The following GPR55 variants were observed in gnomAD, a reference collection of about 807,000 sequenced individuals.
GPR55 encodes G-protein coupled receptor 55.
Under a neutral mutation model 7.9 loss-of-function variants are expected in GPR55, and 6 were observed. The observed-to-expected ratio is 0.76, with a 90% CI of 0.41 to 1.49. GPR55 has a LOEUF of 1.49. Among genes scored for constraint, GPR55 ranks in the 40% most tolerant of loss-of-function variants. The pLI, the probability that GPR55 is intolerant of heterozygous loss-of-function variation, is 0.01. For synonymous variants in GPR55, 183 were observed against 166.8 expected, an observed-to-expected ratio of 1.10 and a Z score of -0.75; for missense variants, 376 against 406.0, an observed-to-expected ratio of 0.93 and a Z score of 0.63.
At chr2:230,960,294 G>A (rs114181787) in intron 1 of GPR55, among the ~76,000 whole-genome samples, 6,798 of 152,194 alleles carry the variant, frequency 0.045, 339 homozygotes, top group African/African-American at 0.12. Context: ...GATAAGAAAT[G>A]TGCAGTACCA....
At chr2:230,939,466 C>T (rs976369908) in intron 1 of GPR55, among the ~76,000 whole-genome samples, 2 of 152,186 alleles carry the variant, frequency 1.3e-5, no homozygotes, top group Non-Finnish European at 2.9e-5. Context: ...GTGTTCTTCT[C>T]GGAAGTGGCC....
At chr2:230,916,088 T>TA (rs1230714180) in intron 1 of GPR55, among the ~76,000 whole-genome samples, 2 of 151,696 alleles carry the variant, frequency 1.3e-5, no homozygotes, top group Non-Finnish European at 2.9e-5. Flanking sequence ...CAGAAGAGAT[T>TA]ATCTGGCTGG....
At chr2:230,949,960 A>G (rs985978205) in intron 1 of GPR55, among the ~76,000 whole-genome samples, 4 of 151,588 alleles carry the variant, frequency 2.6e-5, no homozygotes, top group Non-Finnish European at 5.9e-5. Flanking sequence ...CAGCCTCCCA[A>G]ATAGCTGGGA....
At chr2:230,952,177 A>C (rs1001788166) in intron 1 of GPR55, among the ~76,000 whole-genome samples, 1 of 152,254 alleles carries the variant, frequency 6.6e-6, no homozygotes, top group Non-Finnish European at 1.5e-5. Flanking sequence ...TGCAGGCAGC[A>C]GGCCAAGGCC....
chr2:230,910,023 T>C lies in GPR55; in HGVS notation c.940A>G (p.Thr314Ala), dbSNP rs1038041111. Residue 314 changes from threonine (T) to alanine (A), a missense_variant, in exon 2 of 2, where the codon ACC (threonine) becomes GCC (alanine). Coordinates refer to ENST00000650999, the MANE Select transcript of GPR55 (RefSeq NM_005683.4). This position sits in a 1 kb window ranked among gnomAD's most constrained non-coding sequence, Gnocchi z 5.4. ...PSRVQLVLQD[T>A]TISRG ...TTCCGTTAGCCCCGGGAGATCGTGGTGTCCTGCAGGACCAGCTGGACCCTG... is the reference window on the plus strand; with the variant it reads ...TTCCGTTAGCCCCGGGAGATCGTGGCGTCCTGCAGGACCAGCTGGACCCTG... 1 of 1,613,560 alleles carries C rather than the reference T, an allele frequency of 6.2e-7. No individual in the cohort carries two copies.
intron 1 of GPR55, among the ~76,000 whole-genome samples, chr2:230,912,598 C>G (rs908396000): frequency 2.0e-5 from 3 of 152,022 alleles, no homozygotes; most frequent in African/African-American, 4.8e-5. Flanking sequence ...CTCACCACCC[C>G]TGGCTAATTT....
At chr2:230,934,710 C>T (rs1401413676) in intron 1 of GPR55, among the ~76,000 whole-genome samples, 1 of 152,134 alleles carries the variant, frequency 6.6e-6, no homozygotes, top group Non-Finnish European at 1.5e-5. Flanking sequence ...TGAGGATGAC[C>T]ATCTGTTCTG....
chr2:230,957,285 C>T lies in GPR55; in HGVS notation c.-135+3490G>A, dbSNP rs530672877. On this transcript the variant is annotated intron_variant, in intron 1 of 1. Coordinates refer to the GPR55 transcript ENST00000392039. ...TTTGGCATATCCGAATTGCTGGCATCACTACGCTTGTGCTTTGGGGACATT... is the reference window on the plus strand; with the variant it reads ...TTTGGCATATCCGAATTGCTGGCATTACTACGCTTGTGCTTTGGGGACATT... Among the ~76,000 whole-genome samples the T allele has an allele frequency of 3.9e-5, 6 of 152,334 alleles. No individual in the cohort carries two copies. In the South Asian group the frequency reaches 1.0e-3, roughly 26 times the overall value.
At chr2:230,950,831 G>A (rs1233941595) in intron 1 of GPR55, among the ~76,000 whole-genome samples, 1 of 151,974 alleles carries the variant, frequency 6.6e-6, no homozygotes, top group Non-Finnish European at 1.5e-5. Flanking sequence ...TTCTGATTGT[G>A]GGTCTTAAGA....
chr2:230,949,949 T>C (rs1691374955), intron 1 of GPR55, among the ~76,000 whole-genome samples: 1 of 152,146 alleles, frequency 6.6e-6, no homozygotes. Flanking sequence ...ATTCTCTGCC[T>C]CAGCCTCCCA....
At chr2:230,920,045 T>TTGGAAGG (rs978623525) in intron 1 of GPR55, among the ~76,000 whole-genome samples, 1 of 151,338 alleles carries the variant, frequency 6.6e-6, no homozygotes, top group Non-Finnish European at 1.5e-5. Context: ...ATTCTAGCAG[T>TTGGAAGG]TGGAAGGTGG....
At chr2:230,912,456 G>A (rs1223513067) in intron 1 of GPR55, among the ~76,000 whole-genome samples, 1 of 152,068 alleles carries the variant, frequency 6.6e-6, no homozygotes, top group Non-Finnish European at 1.5e-5. Flanking sequence ...TTGAGATGGA[G>A]TCTCACTCTG....
At chr2:230,912,482 T>G (rs959724758) in intron 1 of GPR55, among the ~76,000 whole-genome samples, 2 of 152,198 alleles carry the variant, frequency 1.3e-5, no homozygotes, top group African/African-American at 2.4e-5. Context: ...CAGGCTGGAG[T>G]GCAGTGGCAC....
chr2:230,922,849 G>A lies in GPR55; in HGVS notation c.-135+2319C>T, dbSNP rs991994450. 2.0e-5 allele frequency among the ~76,000 whole-genome samples: 3 copies of A among 152,164 alleles called. No individual in the cohort carries two copies. In the South Asian group the frequency reaches 6.2e-4, roughly 32 times the overall value. On this transcript the variant is annotated intron_variant, in intron 1 of 1. Coordinates refer to ENST00000650999, the MANE Select transcript of GPR55 (RefSeq NM_005683.4). ...CTCCCAAAGTGCTGGGATTACGGGT[G>A]TGAGCCATCGCTCCTGGCCTAATTT...
At chr2:230,949,866 G>A (rs907480454) in intron 1 of GPR55, among the ~76,000 whole-genome samples, 7 of 151,310 alleles carry the variant, frequency 4.6e-5, no homozygotes, top group East Asian at 3.9e-4. Context: ...CAAGAGTCTC[G>A]CTCTGTCACC....
intron 1 of GPR55, among the ~76,000 whole-genome samples, chr2:230,951,651 A>G (rs991857519): frequency 5.9e-5 from 9 of 152,100 alleles, no homozygotes; most frequent in Non-Finnish European, 1.3e-4. Flanking sequence ...ACCATTCACA[A>G]CTTAGAGTTG....
At chr2:230,930,597 C>T (rs1420102584) in intron 1 of GPR55, among the ~76,000 whole-genome samples, 2 of 151,814 alleles carry the variant, frequency 1.3e-5, no homozygotes, top group Non-Finnish European at 2.9e-5. Context: ...ACTGCAGACA[C>T]GTGCCACCAC....
Position 230,947,710 on chromosome 2 carries a change from C to T in GPR55, c.-135+13065G>A, listed in dbSNP as rs117662074. Among the ~76,000 whole-genome samples, 86 of 152,090 alleles carry T rather than the reference C, an allele frequency of 5.7e-4. 1 individual carries two copies. In the East Asian group the frequency reaches 0.012, roughly 21 times the overall value. On this transcript the variant is annotated intron_variant, in intron 1 of 1. Coordinates refer to the GPR55 transcript ENST00000392039. ...AGAGACTAGGTCTTACTATATTGCCCAGGATGGTCTCGAACTCCTGGGCTC... is the reference window on the plus strand; with the variant it reads ...AGAGACTAGGTCTTACTATATTGCCTAGGATGGTCTCGAACTCCTGGGCTC...
intron 1 of GPR55, among the ~76,000 whole-genome samples, chr2:230,950,573 T>C (rs923553966): frequency 2.0e-5 from 3 of 152,202 alleles, no homozygotes; most frequent in Non-Finnish European, 4.4e-5. Context: ...AAATAGAGAT[T>C]CGCGACACTG....
Sources: allele counts gnomAD v4.1 joint callset (sites outside exome capture counted in the v4.1 genomes callset), GRCh38; gene constraint gnomAD v4.1.1; non-coding constraint Gnocchi (gnomAD v3.1); transcripts MANE v1.5; gene names NCBI Gene and HGNC (gene_info 2026-07-23, HGNC 2026-07-21).